Variants in CPED1 observed in about 807,000 individuals in gnomAD.
The protein encoded by CPED1 is cadherin-like and PC-esterase domain-containing protein 1.
Under a neutral mutation model 128.2 loss-of-function variants are expected in CPED1, and 114 were observed. That is an observed-to-expected ratio of 0.89 (90% confidence interval 0.76 to 1.04). The LOEUF (loss-of-function observed/expected upper bound fraction) is 1.04, where lower values mean the gene tolerates loss of function less well. Among genes scored for constraint, CPED1 ranks in the 50% least tolerant of loss-of-function variants. The pLI is 0.00. For synonymous variants in CPED1, 462 were observed against 426.7 expected, an observed-to-expected ratio of 1.08 and a Z score of -1.02; for missense variants, 1,211 against 1,207.1, an observed-to-expected ratio of 1.00 and a Z score of -0.05.
At position 121,142,059 on chromosome 7, in the gene CPED1, T is replaced by C. The variant is rs879809264; in HGVS notation, c.1973T>C (p.Ile658Thr). ...TCTCCAGCACACGGTGAGACTCTGA[T>C]CACGTACAAACTCACCATCTATAGA... ...DESPAHGETL[I>T]TYKLTIYRED... Residue 658 changes from isoleucine (I) to threonine (T), a missense_variant, in exon 16 of 23, where the codon ATC (isoleucine) becomes ACC (threonine). Ile to Thr is a moderately conservative substitution (Grantham distance 89). Coordinates refer to ENST00000310396, the MANE Select transcript of CPED1 (RefSeq NM_024913.5). The C allele has an allele frequency of 1.2e-6, 2 of 1,612,770 alleles. No individual in the cohort carries two copies. The highest frequency in any genetic ancestry group is 1.7e-6 in the Non-Finnish European group (2 of 1,179,066).
At chr7:121,074,343 G>T (rs1794067429) in intron 5 of CPED1, among the ~76,000 whole-genome samples, 1 of 152,104 alleles carries the variant, frequency 6.6e-6, no homozygotes, top group Middle Eastern at 3.2e-3. Flanking sequence ...AAGACTGGCA[G>T]CTGGCATTTA....
rs377035175 is a variant in CPED1, at chr7:121,189,760, TTATATATATATATA to T, written c.2056-46929_2056-46916del. ...TCTTATTTTACTTTCTTATGAGGTT[TTATATATATATATA>T]TATATATATATATATATATATATAA... On this transcript the variant is annotated intron_variant, in intron 16 of 22. Coordinates refer to ENST00000310396, the MANE Select transcript of CPED1 (RefSeq NM_024913.5). Among the ~76,000 whole-genome samples, 76 of 47,476 alleles carry T rather than the reference TTATATATATATATA, an allele frequency of 1.6e-3. 3 individuals carry two copies. The highest frequency in any genetic ancestry group is 0.011 in the Middle Eastern group (1 of 90). 31.1% of individuals were successfully genotyped at this position (47,476 alleles called of 152,430 possible). A position where few individuals can be genotyped will look rare whatever the true frequency, so the allele number is the denominator to read the frequency against.
At chr7:121,078,498 G>GAAAAAAAAAAAA (rs529856618) in intron 5 of CPED1, among the ~76,000 whole-genome samples, 24 of 101,926 alleles carry the variant, frequency 2.4e-4, no homozygotes, top group South Asian at 6.6e-4. Flanking sequence ...AAGAAAGAAA[G>GAAAAAAAAAAAA]AAAAAAAAAA....
intron 7 of CPED1, among the ~76,000 whole-genome samples, chr7:121,106,187 G>A (rs1435436384): frequency 6.6e-6 from 1 of 152,116 alleles, no homozygotes; most frequent in Non-Finnish European, 1.5e-5. Flanking sequence ...TACAACAGAA[G>A]ATAGTATTAT....
At chr7:121,290,957 A>G (rs1190562416) in intron 22 of CPED1, among the ~76,000 whole-genome samples, 1 of 152,088 alleles carries the variant, frequency 6.6e-6, no homozygotes, top group African/African-American at 2.4e-5. Context: ...AAATATTTAA[A>G]CTATCTTGAG....
At chr7:120,998,064 T>C (rs1371787408) in intron 2 of CPED1, among the ~76,000 whole-genome samples, 1 of 152,098 alleles carries the variant, frequency 6.6e-6, no homozygotes, top group Non-Finnish European at 1.5e-5. Context: ...ATTGGAGTCA[T>C]GCAGCTGCAC....
In CPED1 at chr7:121,296,484, C is replaced by A. The variant is rs1792826530; in HGVS notation, c.*832C>A. 6.6e-6 allele frequency: 1 copy of A among 151,994 alleles called. No individual in the cohort carries two copies. The highest frequency in any genetic ancestry group is 2.1e-4 in the South Asian group (1 of 4,818). The allele number at this position is 151,994 out of a possible 1,614,324, so 9.4% of individuals were successfully genotyped here. A position where few individuals can be genotyped will look rare whatever the true frequency, so the allele number is the denominator to read the frequency against. ...TTAAATCTTGTGTTTGCCATTACAG[C>A]CCTATGTAACTTAAAATTACAATTA... On this transcript the variant is annotated 3_prime_UTR_variant, in exon 23 of 23. Coordinates refer to ENST00000310396, the MANE Select transcript of CPED1 (RefSeq NM_024913.5).
chr7:121,081,935 A>G (rs1362120793), intron 5 of CPED1, among the ~76,000 whole-genome samples: 1 of 152,180 alleles, frequency 6.6e-6, no homozygotes. Context: ...CATCCACATT[A>G]GCTGAGAGGG....
At chr7:121,015,969 C>A (rs1585019364) in intron 3 of CPED1, 121 bp downstream of exon 3, 2 of 609,228 alleles carry the variant, frequency 3.3e-6, no homozygotes, top group Non-Finnish European at 5.0e-6. Flanking sequence ...CCATGACCAA[C>A]TTTCTCACAT....
chr7:121,070,391 T>C (rs1429797136), intron 5 of CPED1, among the ~76,000 whole-genome samples: 2 of 151,968 alleles, frequency 1.3e-5, no homozygotes. Context: ...TCCTTAATGC[T>C]TCTGTCATTC....
intron 3 of CPED1, among the ~76,000 whole-genome samples, chr7:121,028,591 C>T (rs934967620): frequency 3.9e-5 from 6 of 152,174 alleles, no homozygotes; most frequent in Non-Finnish European, 8.8e-5. Flanking sequence ...ACCGAACTTT[C>T]TGGAAGAGAG....
chr7:121,085,045 A>G lies in CPED1; in HGVS notation c.617-12654A>G, dbSNP rs1221194989. Among the ~76,000 whole-genome samples, 4 of 143,080 alleles carry G rather than the reference A, an allele frequency of 2.8e-5. No individual in the cohort carries two copies. In the East Asian group the frequency reaches 5.9e-4, roughly 21 times the overall value. The allele number at this position is 143,080 out of a possible 152,430, so 93.9% of individuals were successfully genotyped here. On this transcript the variant is annotated intron_variant, in intron 5 of 22. Coordinates refer to ENST00000310396, the MANE Select transcript of CPED1 (RefSeq NM_024913.5). ...GATCACTTCCTATGTATTCATAAGT[A>G]CAATCCTCTCATACTTGTTACAGCT...
chr7:121,234,399 A>G (rs1439317286), intron 16 of CPED1, among the ~76,000 whole-genome samples: 1 of 152,098 alleles, frequency 6.6e-6, no homozygotes, highest in Non-Finnish European at 1.5e-5. Flanking sequence ...ATTGAACACA[A>G]CATCTCAGTC....
intron 2 of CPED1, among the ~76,000 whole-genome samples, chr7:121,008,927 T>A (rs1792093558): frequency 6.6e-6 from 1 of 152,162 alleles, no homozygotes. Context: ...GGTTTTGCCA[T>A]CCAAAATCTG....
At chr7:121,083,006 C>T (rs1011337744) in intron 5 of CPED1, among the ~76,000 whole-genome samples, 2 of 151,808 alleles carry the variant, frequency 1.3e-5, no homozygotes, top group African/African-American at 4.8e-5. Context: ...AGAAGACTGT[C>T]TGTCTTTCTC....
chr7:121,154,495 A>G (rs963587789), intron 16 of CPED1, among the ~76,000 whole-genome samples: 2 of 151,770 alleles, frequency 1.3e-5, no homozygotes, highest in Non-Finnish European at 2.9e-5. Context: ...AAGGATTTTT[A>G]TCACAAAATA....
intron 7 of CPED1, 80 bp downstream of exon 7, chr7:121,100,174 C>T: frequency 8.3e-7 from 1 of 1,200,244 alleles, no homozygotes; most frequent in Middle Eastern, 2.0e-4. Context: ...ATTTTCCCAC[C>T]TTTATGGTTA....
chr7:121,215,227 G>A (rs1241171947), intron 16 of CPED1, among the ~76,000 whole-genome samples: 2 of 152,002 alleles, frequency 1.3e-5, no homozygotes, highest in Non-Finnish European at 1.5e-5. Context: ...TCTGTTTGAT[G>A]TGTCAGTTGC....
intron 4 of CPED1, among the ~76,000 whole-genome samples, chr7:121,052,807 C>T (rs184244305): frequency 6.6e-6 from 1 of 152,230 alleles, no homozygotes; most frequent in African/African-American, 2.4e-5. Flanking sequence ...ACTGCAACTG[C>T]GGCCTCCTGG....
Sources: gnomAD v4.1 joint callset for allele counts (sites outside exome capture counted in the v4.1 genomes callset) on GRCh38, gnomAD v4.1.1 for gene constraint, MANE v1.5 for transcripts, NCBI Gene and HGNC (gene_info 2026-07-23, HGNC 2026-07-21) for gene names.